SLC39A11: variants seen among roughly 807,000 people sequenced by gnomAD.
SLC39A11 encodes the protein solute carrier family 39 member 11.
In SLC39A11, 33 loss-of-function variants were observed where a neutral mutation model predicts 36.1. The ratio of observed to expected loss-of-function variants is 0.91; its 90% CI spans 0.69 to 1.22. The LOEUF is 1.22. SLC39A11 is among the 50% of genes most tolerant of loss of function. The probability of loss-of-function intolerance (pLI) is 0.00; values close to 1 mark genes in which losing one functional copy is unlikely to be tolerated. For synonymous variants in SLC39A11, 166 were observed against 170.3 expected, an observed-to-expected ratio of 0.97 and a Z score of 0.20; for missense variants, 432 against 430.3, an observed-to-expected ratio of 1.00 and a Z score of -0.03.
chr17:72,720,059 C>T (rs2143556773), intron 7 of SLC39A11, among the ~76,000 whole-genome samples: 1 of 152,330 alleles, frequency 6.6e-6, no homozygotes. Context: ...TTGCCGTCGA[C>T]ACCCCTAGCA....
At chr17:72,751,109 GTGGT>G (rs1204569517) in intron 6 of SLC39A11, among the ~76,000 whole-genome samples, 1 of 152,100 alleles carries the variant, frequency 6.6e-6, no homozygotes, top group Admixed American at 6.6e-5. Context: ...TTAGACGAGC[GTGGT>G]GGTGGGCGCT....
intron 7 of SLC39A11, among the ~76,000 whole-genome samples, chr17:72,703,901 G>A (rs1303824766): frequency 6.6e-6 from 1 of 152,236 alleles, no homozygotes; most frequent in African/African-American, 2.4e-5. Context: ...GCCGAGGTGG[G>A]TGAATCCTTT....
chr17:72,906,850 G>C (rs550406549), intron 5 of SLC39A11, among the ~76,000 whole-genome samples: 1 of 152,220 alleles, frequency 6.6e-6, no homozygotes. Flanking sequence ...AACCTGCCTT[G>C]TTAAAGTGTA....
chr17:73,001,696 T>C (rs1444040360), intron 4 of SLC39A11, among the ~76,000 whole-genome samples: 1 of 152,024 alleles, frequency 6.6e-6, no homozygotes, highest in African/African-American at 2.4e-5. Context: ...TCAGAGGCCA[T>C]GGAATGAGTT....
rs534465153 is a variant in SLC39A11 at position 72,952,479 on chromosome 17, C to A, written c.307-4604G>T. On this transcript the variant is annotated intron_variant, in intron 4 of 9. Coordinates refer to ENST00000255559, the MANE Select transcript of SLC39A11 (RefSeq NM_139177.4). ...ACATGCCCCGCATATCCCCCACCCC[C>A]CTGCTGCCATGGAGCCCCATCTGCT... is the stretch of plus-strand genomic sequence containing the variant. Among the ~76,000 whole-genome samples, 69 of 152,280 alleles carry A rather than the reference C, an allele frequency of 4.5e-4. 1 individual carries two copies. Among genetic ancestry groups the A allele is most frequent in the East Asian group, 1.9e-4 (1 of 5,146 alleles).
chr17:73,003,156 C>T (rs1395059005), intron 4 of SLC39A11, among the ~76,000 whole-genome samples: 1 of 152,208 alleles, frequency 6.6e-6, no homozygotes, highest in Non-Finnish European at 1.5e-5. Flanking sequence ...TTCCCAAGCC[C>T]AGACACCTAA....
chr17:72,855,615 G>A (rs573814858), intron 5 of SLC39A11, among the ~76,000 whole-genome samples: 3 of 152,238 alleles, frequency 2.0e-5, no homozygotes, highest in Non-Finnish European at 4.4e-5. Context: ...GCAGAATAGA[G>A]GCCGGGTGCG....
At chr17:72,653,477 C>G (rs186971926) in intron 7 of SLC39A11, among the ~76,000 whole-genome samples, 2 of 149,342 alleles carry the variant, frequency 1.3e-5, no homozygotes, top group Admixed American at 1.3e-4. Flanking sequence ...CGCTCTGTCA[C>G]CCAGGCTGAA....
At chr17:73,087,110 G>C (rs2060759136) in intron 2 of SLC39A11, among the ~76,000 whole-genome samples, 1 of 151,938 alleles carries the variant, frequency 6.6e-6, no homozygotes, top group African/African-American at 2.4e-5. Flanking sequence ...ACTCATTCAA[G>C]AATAACTTAT....
intron 3 of SLC39A11, among the ~76,000 whole-genome samples, chr17:73,079,093 T>G (rs2060428516): frequency 1.3e-5 from 2 of 152,200 alleles, no homozygotes; most frequent in Non-Finnish European, 1.5e-5. Context: ...GAAAATCTAT[T>G]GATTTTGTTT....
chr17:72,694,787 T>G (rs2072210788), intron 7 of SLC39A11, among the ~76,000 whole-genome samples: 1 of 152,240 alleles, frequency 6.6e-6, no homozygotes, highest in African/African-American at 2.4e-5. Flanking sequence ...GGCTGGGGTC[T>G]GCTGACTGTC....
intron 3 of SLC39A11, among the ~76,000 whole-genome samples, chr17:73,040,988 A>AAAAAAAAAC (rs1555690025): frequency 1.5e-5 from 2 of 132,172 alleles, no homozygotes; most frequent in Non-Finnish European, 1.5e-5. Context: ...CCATCTCAAA[A>AAAAAAAAAC]AAAAAACAAA....
chr17:72,907,244 C>G (rs890031411), intron 5 of SLC39A11, among the ~76,000 whole-genome samples: 6 of 152,228 alleles, frequency 3.9e-5, no homozygotes, highest in Non-Finnish European at 8.8e-5. Flanking sequence ...AATACCTGCA[C>G]TTCGGGAGGC....
intron 2 of SLC39A11, among the ~76,000 whole-genome samples, chr17:73,087,051 G>A (rs1448896974): frequency 6.6e-6 from 1 of 150,618 alleles, no homozygotes; most frequent in African/African-American, 2.4e-5. Context: ...GCAAGACTCT[G>A]TCTAAAGAAA....
At chr17:72,662,925 C>G (rs73343592) in intron 7 of SLC39A11, among the ~76,000 whole-genome samples, 10,739 of 152,200 alleles carry the variant, frequency 0.071, 513 homozygotes, top group African/African-American at 0.14. Context: ...TGCAAGTGCC[C>G]CTCTACAACA....
Position 72,849,946 on chromosome 17 carries a change from G to A in SLC39A11, c.431-142C>T. Reference sequence around the variant, plus strand: ...TCTTACTCTGTCACCCAGCCTGGAGGGCAATGGTGTGATCACAACTCACTG... The same window carrying A: ...TCTTACTCTGTCACCCAGCCTGGAGAGCAATGGTGTGATCACAACTCACTG... On this transcript the variant is annotated intron_variant, in intron 5 of 9. Transcript: ENST00000255559. The A allele has an allele frequency of 5.0e-6, 4 of 799,458 alleles. No individual in the cohort carries two copies. In the South Asian group the frequency reaches 1.1e-4, roughly 21 times the overall value. 49.5% of individuals were successfully genotyped at this position (799,458 alleles called of 1,614,324 possible). A position where few individuals can be genotyped will look rare whatever the true frequency, so the allele number is the denominator to read the frequency against.
chr17:72,814,381 G>C (rs974487121), intron 6 of SLC39A11, among the ~76,000 whole-genome samples: 1 of 152,236 alleles, frequency 6.6e-6, no homozygotes, highest in African/African-American at 2.4e-5. Context: ...ACCATACCAA[G>C]AACGGCCTTG....
chr17:72,692,666 G>T (rs1326901964), intron 7 of SLC39A11, among the ~76,000 whole-genome samples: 2 of 152,206 alleles, frequency 1.3e-5, no homozygotes, highest in Non-Finnish European at 2.9e-5. Context: ...AATTCTGGGA[G>T]ATACAATTCA....
chr17:72,837,887 G>A (rs1278970439), intron 6 of SLC39A11: 7 of 1,150,312 alleles, frequency 6.1e-6, no homozygotes, highest in Non-Finnish European at 7.6e-6. Context: ...TGGAGGGAGG[G>A]AGGAATGGGG....
Sources: allele counts gnomAD v4.1 joint callset (sites outside exome capture counted in the v4.1 genomes callset), GRCh38; gene constraint gnomAD v4.1.1; transcripts MANE v1.5; gene names NCBI Gene and HGNC (gene_info 2026-07-23, HGNC 2026-07-21).